Variants in THNSL1 observed in about 807,000 individuals in gnomAD.
THNSL1 encodes threonine synthase-like 1.
THNSL1 carries 48 observed loss-of-function variants against 50.4 expected under a neutral mutation model. That is an observed-to-expected ratio of 0.95 (90% CI 0.76 to 1.21). THNSL1 has a LOEUF of 1.21. Ranked by LOEUF, THNSL1 falls within the 50% of genes most tolerant of loss-of-function variation. THNSL1 has a pLI of 0.00. For synonymous variants in THNSL1, 309 were observed against 306.1 expected (o/e 1.01, Z -0.10); for missense variants, 896 against 871.7 (o/e 1.03, Z -0.35).
rs770319378 is a variant in THNSL1, at chr10:25,023,297, C to T, written c.74C>T (p.Thr25Met). The T allele has an allele frequency of 2.4e-5, 39 of 1,613,938 alleles. No homozygotes were observed. The highest frequency in any genetic ancestry group is 4.0e-5 in the African/African-American group (3 of 74,922). ...TGTTTTTCTAGTATACATGTTAAAA[C>T]GGATAAACATGCACAGCGATTTCTT... ...QKCFSSIHVK[T>M]DKHAQRFLSR... Residue 25 changes from threonine to methionine, a missense_variant, in exon 3 of 3, where the codon ACG becomes ATG. Coordinates refer to ENST00000376356, the MANE Select transcript of THNSL1 (RefSeq NM_024838.5).
At chr10:24,991,696 C>A in the THNSL1 span, among the ~76,000 whole-genome samples, 1 of 152,332 alleles carries the variant, frequency 6.6e-6, no homozygotes, top group African/African-American at 2.4e-5. Context: ...TGCACTCATT[C>A]TCCAAGCCCA....
At chr10:24,953,889 A>C in the THNSL1 span, among the ~76,000 whole-genome samples, 1 of 152,198 alleles carries the variant, frequency 6.6e-6, no homozygotes, top group Non-Finnish European at 1.5e-5. Flanking sequence ...CTGGCTCTTC[A>C]TGTCGTTTCT....
the THNSL1 span, among the ~76,000 whole-genome samples, chr10:24,987,331 G>A: frequency 6.6e-6 from 1 of 152,032 alleles, no homozygotes; most frequent in Non-Finnish European, 1.5e-5. Context: ...CTTCACTTCT[G>A]TCAATAATTC....
chr10:24,973,294 A>G, the THNSL1 span, among the ~76,000 whole-genome samples: 4 of 151,954 alleles, frequency 2.6e-5, no homozygotes, highest in Non-Finnish European at 5.9e-5. Context: ...ATAACAGTCA[A>G]TCTGACAGCC....
chr10:25,005,311 C>T, the THNSL1 span, among the ~76,000 whole-genome samples: 1 of 152,132 alleles, frequency 6.6e-6, no homozygotes, highest in Non-Finnish European at 1.5e-5. Flanking sequence ...TATATTTTAC[C>T]ATACAGTTAA....
At chr10:25,016,987 G>GGGCCCGC (rs1438951413) in intron 1 of THNSL1, among the ~76,000 whole-genome samples, 6 of 152,246 alleles carry the variant, frequency 3.9e-5, no homozygotes, top group East Asian at 1.9e-4. Context: ...TGCGCGCACG[G>GGGCCCGC]GGCCCGCGGC....
chr10:24,976,982 G>A, the THNSL1 span, among the ~76,000 whole-genome samples: 6 of 152,194 alleles, frequency 3.9e-5, no homozygotes, highest in Non-Finnish European at 7.3e-5. Flanking sequence ...ACAGGGAAGG[G>A]AGTGTCCCAT....
chr10:25,014,794 A>G (rs77404192), upstream of THNSL1, among the ~76,000 whole-genome samples: 1,135 of 152,304 alleles, frequency 7.5e-3, 18 homozygotes, highest in African/African-American at 0.025. Flanking sequence ...TGGAGATGTA[A>G]TACAGTTACT....
the THNSL1 span, among the ~76,000 whole-genome samples, chr10:24,968,305 CG>C: frequency 6.6e-6 from 1 of 152,104 alleles, no homozygotes; most frequent in Non-Finnish European, 1.5e-5. Context: ...GAAGACGAAG[CG>C]TAAGCCTACC....
the THNSL1 span, among the ~76,000 whole-genome samples, chr10:24,992,450 A>ATGT: frequency 6.6e-6 from 1 of 152,194 alleles, no homozygotes; most frequent in Non-Finnish European, 1.5e-5. Context: ...GTAGGACAAC[A>ATGT]CTTTCCTGTG....
At chr10:24,963,438 C>T in the THNSL1 span, among the ~76,000 whole-genome samples, 1 of 152,168 alleles carries the variant, frequency 6.6e-6, no homozygotes, top group Non-Finnish European at 1.5e-5. Flanking sequence ...AGACCAATTG[C>T]CTAATCAACT....
intron 1 of THNSL1, among the ~76,000 whole-genome samples, chr10:25,017,942 A>T (rs1564346647): frequency 6.6e-6 from 1 of 152,220 alleles, no homozygotes; most frequent in Non-Finnish European, 1.5e-5. Flanking sequence ...GCTAAAGCTT[A>T]TGAATTTTCT....
chr10:24,955,897 T>A, the THNSL1 span, among the ~76,000 whole-genome samples: 1 of 152,022 alleles, frequency 6.6e-6, no homozygotes, highest in Non-Finnish European at 1.5e-5. Context: ...CATTGAGTCA[T>A]AATTGCACCA....
At chr10:25,014,726 A>G (rs1298509534), upstream of THNSL1, among the ~76,000 whole-genome samples, 1 of 152,242 alleles carries the variant, frequency 6.6e-6, no homozygotes, top group Non-Finnish European at 1.5e-5. Context: ...AAATTCTGCA[A>G]CTGTGCCATA....
At chr10:24,971,553 C>T in the THNSL1 span, among the ~76,000 whole-genome samples, 1 of 152,156 alleles carries the variant, frequency 6.6e-6, no homozygotes, top group Non-Finnish European at 1.5e-5. Flanking sequence ...TGTGACATAC[C>T]ACTGTGTAGT....
At chr10:25,000,519 T>C in the THNSL1 span, among the ~76,000 whole-genome samples, 1 of 152,264 alleles carries the variant, frequency 6.6e-6, no homozygotes, top group Non-Finnish European at 1.5e-5. Context: ...GCATTTAGGA[T>C]TGTTATATCT....
chr10:24,995,986 T>A, the THNSL1 span: 1 of 780,728 alleles, frequency 1.3e-6, no homozygotes, highest in Non-Finnish European at 1.9e-6. Context: ...ATAATATATT[T>A]AAATATTTAA....
the THNSL1 span, among the ~76,000 whole-genome samples, chr10:24,994,527 T>G: frequency 1.3e-5 from 2 of 151,642 alleles, no homozygotes; most frequent in Admixed American, 1.3e-4. Context: ...AGAGATGGGG[T>G]GTCACCATGT....
the THNSL1 span, among the ~76,000 whole-genome samples, chr10:25,008,640 T>C: frequency 1.3e-5 from 2 of 152,178 alleles, no homozygotes. Context: ...TGCTGTTCAC[T>C]GCATTAAATA....
Sources: allele counts gnomAD v4.1 joint callset (sites outside exome capture counted in the v4.1 genomes callset), GRCh38; gene constraint gnomAD v4.1.1; transcripts MANE v1.5; gene names NCBI Gene and HGNC (gene_info 2026-07-23, HGNC 2026-07-21).